Variants in CCSER1 observed in about 807,000 individuals in gnomAD.
The protein encoded by CCSER1 is serine-rich coiled-coil domain-containing protein 1.
CCSER1 carries 41 observed loss-of-function variants against 82.0 expected under a neutral mutation model. That is an observed-to-expected ratio of 0.50 (90% confidence interval 0.39 to 0.65). The LOEUF is 0.65. Ranked by LOEUF, CCSER1 falls within the 30% of genes least tolerant of loss-of-function variation. The pLI, the probability that CCSER1 is intolerant of heterozygous loss-of-function variation, is 0.00. For missense variants in CCSER1, 1,119 were observed against 1,064.2 expected (o/e 1.05, Z -0.72); for synonymous variants, 414 against 383.9 (o/e 1.08, Z -0.92).
At chr4:91,480,642 A>C (rs1757859500) in intron 10 of CCSER1, among the ~76,000 whole-genome samples, 1 of 152,234 alleles carries the variant, frequency 6.6e-6, no homozygotes, top group South Asian at 2.1e-4. Flanking sequence ...ATCTCTGCCC[A>C]GTTCCAAAGT....
At chr4:90,617,536 A>C (rs1721517000) in intron 5 of CCSER1, among the ~76,000 whole-genome samples, 1 of 152,182 alleles carries the variant, frequency 6.6e-6, no homozygotes. Flanking sequence ...ATTGAAGCAC[A>C]AAGATAAGAG....
At chr4:91,548,404 T>C (rs908480245) in intron 10 of CCSER1, among the ~76,000 whole-genome samples, 16 of 152,176 alleles carry the variant, frequency 1.1e-4, no homozygotes, top group African/African-American at 3.9e-4. Context: ...TAACTAAAAA[T>C]ATGCAAAATA....
At chr4:91,446,405 C>T (rs562221330) in intron 10 of CCSER1, among the ~76,000 whole-genome samples, 64 of 151,964 alleles carry the variant, frequency 4.2e-4, no homozygotes, top group African/African-American at 1.4e-3. Flanking sequence ...AGAAGATTTA[C>T]GTATTGGCAG....
intron 1 of CCSER1, among the ~76,000 whole-genome samples, chr4:90,210,450 C>CTTTTCT (rs1553959475): frequency 0.018 from 2,524 of 141,258 alleles, 34 homozygotes; most frequent in African/African-American, 0.03. Context: ...CTTTTCTTTT[C>CTTTTCT]TTTTTTTTTT....
At position 91,474,636 on chromosome 4, in the gene CCSER1, G is replaced by A. The variant is rs574447018; in HGVS notation, c.2218-123936G>A. On this transcript the variant is annotated intron_variant, in intron 10 of 10. Transcript: ENST00000509176. ...ATCAGGCTGCCTCATGATGGGATAT[G>A]TTGCAATCTATGAACCCACTCTCCA... 3.9e-4 allele frequency among the ~76,000 whole-genome samples: 59 copies of A among 151,348 alleles called. 1 individual carries two copies. The highest frequency in any genetic ancestry group is 1.3e-3 in the African/African-American group (54 of 41,366).
intron 1 of CCSER1, among the ~76,000 whole-genome samples, chr4:90,238,589 G>A (rs1746241620): frequency 6.6e-6 from 1 of 152,110 alleles, no homozygotes; most frequent in Non-Finnish European, 1.5e-5. Context: ...CCTTGAAACA[G>A]AGCTGTCCTG....
At chr4:91,033,253 C>T (rs1435014525) in intron 9 of CCSER1, among the ~76,000 whole-genome samples, 4 of 152,144 alleles carry the variant, frequency 2.6e-5, no homozygotes, top group Non-Finnish European at 5.9e-5. Context: ...AAGCCAGTGA[C>T]ACCCAGCGGG....
At chr4:90,311,576 C>T (rs1443881787) in intron 2 of CCSER1, among the ~76,000 whole-genome samples, 3 of 151,820 alleles carry the variant, frequency 2.0e-5, no homozygotes, top group African/African-American at 7.3e-5. Context: ...GTATTTTATC[C>T]AATAAAGAGT....
intron 5 of CCSER1, among the ~76,000 whole-genome samples, chr4:90,554,207 C>T (rs549894949): frequency 3.3e-5 from 5 of 151,942 alleles, no homozygotes; most frequent in South Asian, 2.1e-4. Flanking sequence ...AAAAAAAACA[C>T]GAATGAATTT....
intron 2 of CCSER1, among the ~76,000 whole-genome samples, chr4:90,311,625 T>G (rs969854000): frequency 6.6e-6 from 1 of 152,212 alleles, no homozygotes; most frequent in African/African-American, 2.4e-5. Context: ...AAATTTAGTT[T>G]GTATTTTGTA....
chr4:91,248,143 C>T (rs1484944660), intron 10 of CCSER1, among the ~76,000 whole-genome samples: 2 of 152,082 alleles, frequency 1.3e-5, no homozygotes, highest in African/African-American at 4.8e-5. Flanking sequence ...ACAAGATAAA[C>T]AAAATAGTAT....
intron 9 of CCSER1, 94 bp downstream of exon 9, chr4:90,923,541 A>T: frequency 1.3e-6 from 1 of 798,708 alleles, no homozygotes; most frequent in Non-Finnish European, 2.1e-6. Context: ...CCATGCATTG[A>T]TTTAACAGGA....
intron 5 of CCSER1, among the ~76,000 whole-genome samples, chr4:90,623,962 C>T (rs926437329): frequency 1.3e-5 from 2 of 152,070 alleles, no homozygotes; most frequent in Non-Finnish European, 1.5e-5. Flanking sequence ...ATAACCTGAA[C>T]CTTTTTAAAA....
intron 5 of CCSER1, among the ~76,000 whole-genome samples, chr4:90,570,217 C>T (rs770955899): frequency 6.6e-6 from 1 of 152,176 alleles, no homozygotes; most frequent in Non-Finnish European, 1.5e-5. Context: ...TGATAAATGT[C>T]TTCTTCCTTG....
chr4:91,214,717 C>T (rs1329220729), intron 10 of CCSER1, among the ~76,000 whole-genome samples: 1 of 152,092 alleles, frequency 6.6e-6, no homozygotes, highest in East Asian at 1.9e-4. Context: ...TAGAAGTAAT[C>T]GTTTTTAAAA....
chr4:90,921,453 C>T (rs1728369789), intron 8 of CCSER1, among the ~76,000 whole-genome samples: 1 of 151,850 alleles, frequency 6.6e-6, no homozygotes, highest in African/African-American at 2.4e-5. Context: ...CAATGACATC[C>T]CTTGAAATGT....
chr4:90,638,369 G>A (rs1725823381), intron 6 of CCSER1, among the ~76,000 whole-genome samples: 1 of 152,096 alleles, frequency 6.6e-6, no homozygotes, highest in Admixed American at 6.6e-5. Flanking sequence ...GCCAGTGTCA[G>A]TGCTCCCATT....
intron 4 of CCSER1, among the ~76,000 whole-genome samples, chr4:90,409,893 G>A (rs1754402485): frequency 2.0e-5 from 3 of 152,116 alleles, no homozygotes; most frequent in Non-Finnish European, 4.4e-5. Context: ...CCCATCTCAT[G>A]TGCAGAGACA....
At chr4:90,814,475 C>G (rs1399966104) in intron 7 of CCSER1, among the ~76,000 whole-genome samples, 2 of 152,154 alleles carry the variant, frequency 1.3e-5, no homozygotes, top group Non-Finnish European at 2.9e-5. Flanking sequence ...ATGGGTTTTT[C>G]TTTTCTACCT....
Sources: allele counts gnomAD v4.1 joint callset (sites outside exome capture counted in the v4.1 genomes callset), GRCh38; gene constraint gnomAD v4.1.1; transcripts MANE v1.5; gene names NCBI Gene and HGNC (gene_info 2026-07-23, HGNC 2026-07-21).